Variants in TUBGCP2 observed in about 807,000 individuals in gnomAD.
The protein encoded by TUBGCP2 is gamma-tubulin complex component 2.
A neutral mutation model predicts 92.2 loss-of-function variants in TUBGCP2; 55 were observed. The observed-to-expected ratio is 0.60, with a 90% CI of 0.48 to 0.75. The LOEUF is 0.75. Ranked by LOEUF, TUBGCP2 falls within the 30% of genes least tolerant of loss-of-function variation. The pLI, the probability that TUBGCP2 is intolerant of heterozygous loss-of-function variation, is 0.00. For missense variants in TUBGCP2, 1,093 were observed against 1,188.9 expected (o/e 0.92, Z 1.19); for synonymous variants, 533 against 505.2 (o/e 1.06, Z -0.74).
intron 13 of TUBGCP2, among the ~76,000 whole-genome samples, chr10:133,284,563 A>G (rs746418688): frequency 6.6e-6 from 1 of 151,940 alleles, no homozygotes; most frequent in Non-Finnish European, 1.5e-5. Flanking sequence ...CTCTTGTTAC[A>G]TTGTCCAGGC....
chr10:133,279,784 G>A lies in TUBGCP2; in HGVS notation c.2691C>T (p.Val897=), dbSNP rs201128670. The change falls in exon 18 of 18, where the codon GTC becomes GTT. Residue 897 remains valine (V), a synonymous_variant. Transcript: ENST00000252936. Reference sequence around the variant, plus strand: ...CCAGGGCTCACTGTGCGGTGACTGCGACCCTGGGTGCAGGAGCCGGGGGCC... The same window carrying A: ...CCAGGGCTCACTGTGCGGTGACTGCAACCCTGGGTGCAGGAGCCGGGGGCC... ...LRGPPAPAPR[V]AVTAQ 9 of 1,562,500 alleles carry A rather than the reference G, an allele frequency of 5.8e-6. No homozygotes were observed. The highest frequency in any genetic ancestry group is 1.2e-5 in the South Asian group (1 of 85,312).
Position 133,299,566 on chromosome 10 carries a change from G to T in TUBGCP2, c.317C>A (p.Ala106Asp), listed in dbSNP as rs1564772326. Residue 106 changes from alanine (A) to aspartate (D), a missense_variant, in exon 4 of 18, where the codon GCT becomes GAT. This residue lies in a region of TUBGCP2 where 490 missense variants were observed against 488.5 expected (regional missense o/e 1.00). Transcript: ENST00000252936. ...GCCCACAGCAGCGGCTGCAAGCTCAGCTCTTTCTTTTGCATTCTGTTGTAA... is the reference window on the plus strand; with the variant it reads ...GCCCACAGCAGCGGCTGCAAGCTCATCTCTTTCTTTTGCATTCTGTTGTAA... Reference protein sequence around the residue: ...QYLQQNAKERAELAAAAVGSS... With the variant: ...QYLQQNAKERDELAAAAVGSS... 6.2e-7 allele frequency: 1 copy of T among 1,613,212 alleles called. No homozygotes were observed. The highest frequency in any genetic ancestry group is 8.5e-7 in the Non-Finnish European group (1 of 1,179,608).
chr10:133,284,146 C>A lies in TUBGCP2; in HGVS notation c.2025-144G>T, dbSNP rs1034355370. On this transcript the variant is annotated intron_variant, in intron 13 of 17. Coordinates refer to ENST00000252936, the MANE Select transcript of TUBGCP2 (RefSeq NM_006659.4). Reference sequence around the variant, plus strand: ...TCTGCAGAGCAAGCGCCCCTCCCAGCACACCAGACACTCACGGCCGCTGCT... The same window carrying A: ...TCTGCAGAGCAAGCGCCCCTCCCAGAACACCAGACACTCACGGCCGCTGCT... 3 of 1,308,142 alleles carry A rather than the reference C, an allele frequency of 2.3e-6. No individual in the cohort carries two copies. The East Asian group carries it at 7.9e-5, about 34-fold the overall frequency. 81.0% of individuals were successfully genotyped at this position (1,308,142 alleles called of 1,614,324 possible).
rs1018722542 is a variant in TUBGCP2 at position 133,283,164 on chromosome 10, T to A, written c.2203A>T (p.Lys735Ter). The A allele has an allele frequency of 6.2e-7, 1 of 1,614,192 alleles. No individual in the cohort carries two copies. The highest frequency in any genetic ancestry group is 1.7e-5 in the Admixed American group (1 of 60,026). ...TCGGGGTTGGTGAGCATGCAGTCCT[T>A]CAGGCAGGTGTCCAGGAAGCCTGTG... is the stretch of plus-strand genomic sequence containing the variant. ...HHTGFLDTCL[K>*]DCMLTNPELL... Residue 735 changes from lysine to a stop codon, truncating the protein, a stop_gained, in exon 15 of 18, where the codon AAG becomes TAG. Transcript: ENST00000252936. LOFTEE classifies it high-confidence loss of function.
chr10:133,288,066 G>T, intron 11 of TUBGCP2, 63 bp downstream of exon 11: 1 of 1,553,316 alleles, frequency 6.4e-7, no homozygotes. Context: ...CCTCTGCTGT[G>T]CTCTCCTCCC....
In TUBGCP2 at chr10:133,282,219, G is replaced by A. The variant is rs774743120; in HGVS notation, c.2409+4C>T. ...CTCTCTGGCCAAACCTGGAGGCCACGCACCTTCCTGGCGAGCTCCTTCCGG... is the reference window on the plus strand; with the variant it reads ...CTCTCTGGCCAAACCTGGAGGCCACACACCTTCCTGGCGAGCTCCTTCCGG... On this transcript the variant is annotated splice_donor_region_variant and intron_variant, in intron 16 of 17. Transcript: ENST00000252936. The A allele has an allele frequency of 1.2e-5, 20 of 1,611,518 alleles. No individual in the cohort carries two copies. Among genetic ancestry groups the A allele is most frequent in the South Asian group, 1.1e-4 (10 of 90,778 alleles).
chr10:133,292,892 T>C lies in TUBGCP2; in HGVS notation c.1024+147A>G, dbSNP rs576979239. 67 of 1,098,668 alleles carry C rather than the reference T, an allele frequency of 6.1e-5. No homozygotes were observed. In the South Asian group the frequency reaches 6.8e-4, roughly 11 times the overall value. 68.1% of individuals were successfully genotyped at this position (1,098,668 alleles called of 1,614,324 possible). On this transcript the variant is annotated intron_variant, in intron 7 of 17. Coordinates refer to ENST00000252936, the MANE Select transcript of TUBGCP2 (RefSeq NM_006659.4). ...CCAGGGCTTTCCTCTTGCAAGTTAA[T>C]AGCACATGGAGCAACATGAGCTTTG...
chr10:133,282,354 G>C lies in TUBGCP2; in HGVS notation c.2290-12C>G. On this transcript the variant is annotated splice_polypyrimidine_tract_variant and intron_variant, in intron 15 of 17. Transcript: ENST00000252936. The stretch of plus-strand genomic sequence containing the variant: ...CTCTGTGTAAATTTCTAGGGGGGGA[G>C]AGTCGCAAGGAAATGCTTCTGTTAG... The C allele has an allele frequency of 6.3e-7, 1 of 1,576,400 alleles. No individual in the cohort carries two copies. Among genetic ancestry groups the C allele is most frequent in the Non-Finnish European group, 8.6e-7 (1 of 1,162,090 alleles).
chr10:133,287,112 G>A (rs926491975), intron 11 of TUBGCP2, among the ~76,000 whole-genome samples: 1 of 152,226 alleles, frequency 6.6e-6, no homozygotes, highest in African/African-American at 2.4e-5. Context: ...AGAAAAAGAA[G>A]GGATATAACT....
chr10:133,297,374 G>T (rs1159472437), intron 5 of TUBGCP2: 1 of 443,516 alleles, frequency 2.3e-6, no homozygotes, highest in African/African-American at 2.0e-5. Flanking sequence ...CTTCAGCCTG[G>T]GCGACAGAGC....
chr10:133,282,345 A>AT lies in TUBGCP2; in HGVS notation c.2290-4_2290-3insA, dbSNP rs1554933903. ...AATTTCATGCTCTGTGTAAATTTCT[A>AT]GGGGGGGAGAGTCGCAAGGAAATGC... On this transcript the variant is annotated splice_region_variant and splice_polypyrimidine_tract_variant and intron_variant, in intron 15 of 17. Transcript: ENST00000252936. 1.9e-6 allele frequency: 3 copies of AT among 1,583,674 alleles called. No homozygotes were observed. Among genetic ancestry groups the AT allele is most frequent in the Non-Finnish European group, 2.6e-6 (3 of 1,164,396 alleles).
chr10:133,306,838 TCTTCTAGAAATA>T (rs1348681457), intron 1 of TUBGCP2, among the ~76,000 whole-genome samples: 2 of 152,160 alleles, frequency 1.3e-5, no homozygotes, highest in East Asian at 3.9e-4. Flanking sequence ...ACTTCGTATC[TCTTCTAGAAATA>T]GAAGCACAGA....
chr10:133,293,904 G>T, intron 5 of TUBGCP2, 135 bp from the exon 6 acceptor site: 1 of 927,070 alleles, frequency 1.1e-6, no homozygotes, highest in Non-Finnish European at 1.6e-6. Flanking sequence ...ACTGCACTTG[G>T]CTTTGACTGA....
intron 17 of TUBGCP2, 62 bp from the exon 18 acceptor site, chr10:133,279,963 A>C (rs1468423773): frequency 7.6e-6 from 12 of 1,572,046 alleles, no homozygotes; most frequent in Non-Finnish European, 1.0e-5. Flanking sequence ...GCTGGGCAGC[A>C]GGGGTGTGGA....
chr10:133,296,669 G>A (rs1197018813), intron 5 of TUBGCP2, among the ~76,000 whole-genome samples: 1 of 152,140 alleles, frequency 6.6e-6, no homozygotes, highest in Non-Finnish European at 1.5e-5. Flanking sequence ...GTAGAGACTA[G>A]TCTCGTCCTG....
chr10:133,308,954 C>T (rs1038456044), upstream of TUBGCP2: 4 of 1,236,976 alleles, frequency 3.2e-6, no homozygotes, highest in Middle Eastern at 3.2e-4. Flanking sequence ...ATGCAGTTGC[C>T]CCCCGCGCTG....
chr10:133,303,893 C>A (rs1299343723), intron 1 of TUBGCP2, among the ~76,000 whole-genome samples: 1 of 152,218 alleles, frequency 6.6e-6, no homozygotes, highest in Non-Finnish European at 1.5e-5. Flanking sequence ...CACAGACACC[C>A]AAGTGGGCAG....
At chr10:133,297,362 C>A (rs1156396346) in intron 5 of TUBGCP2, 1 of 438,066 alleles carries the variant, frequency 2.3e-6, no homozygotes, top group African/African-American at 2.1e-5. Context: ...CACGCCACTG[C>A]ACTTCAGCCT....
intron 1 of TUBGCP2, among the ~76,000 whole-genome samples, chr10:133,303,657 C>T (rs537823865): frequency 3.9e-5 from 6 of 152,236 alleles, no homozygotes; most frequent in Non-Finnish European, 7.3e-5. Context: ...TCAGAGCCCG[C>T]GGTGCTCAGC....
Sources: gnomAD v4.1 joint callset for allele counts (sites outside exome capture counted in the v4.1 genomes callset) on GRCh38, gnomAD v4.1.1 for gene constraint, gnomAD v4.1.1 regional missense constraint, MANE v1.5 for transcripts, NCBI Gene and HGNC (gene_info 2026-07-23, HGNC 2026-07-21) for gene names.